The following KIAA1217 variants were observed in gnomAD, a reference collection of about 807,000 sequenced individuals.
KIAA1217 encodes the protein sickle tail protein homolog.
A neutral mutation model predicts 163.9 loss-of-function variants in KIAA1217; 88 were observed. That is an observed-to-expected ratio of 0.54 (90% confidence interval 0.45 to 0.64). The LOEUF (loss-of-function observed/expected upper bound fraction) is 0.64. KIAA1217 is among the 30% of genes least tolerant of loss of function. The pLI is 0.00. For missense variants in KIAA1217, 2,372 were observed against 2,475.0 expected (o/e 0.96, Z 0.88); for synonymous variants, 903 against 923.1 (o/e 0.98, Z 0.39).
At chr10:24,439,670 A>T (rs1373994151) in intron 5 of KIAA1217, among the ~76,000 whole-genome samples, 1 of 146,804 alleles carries the variant, frequency 6.8e-6, no homozygotes, top group Non-Finnish European at 1.5e-5. Context: ...TTTTTCCCCC[A>T]ACTTCTAGAG....
At chr10:24,545,738 A>G (rs2075671569) in intron 20 of KIAA1217, 89 bp from the exon 21 acceptor site, 3 of 1,520,866 alleles carry the variant, frequency 2.0e-6, no homozygotes, top group Non-Finnish European at 1.8e-6. Context: ...TGATTGAATT[A>G]TTCTCAGAAG....
At chr10:23,923,011 T>C (rs778576451) in intron 1 of KIAA1217, among the ~76,000 whole-genome samples, 4 of 152,178 alleles carry the variant, frequency 2.6e-5, no homozygotes, top group Non-Finnish European at 5.9e-5. Context: ...AGTTCTTTAG[T>C]GGTGAGTTCT....
At chr10:24,249,254 G>A (rs751850593) in intron 2 of KIAA1217, among the ~76,000 whole-genome samples, 1 of 152,094 alleles carries the variant, frequency 6.6e-6, no homozygotes, top group South Asian at 2.1e-4. Context: ...TAAAATAAAC[G>A]TCCCCTAATG....
intron 1 of KIAA1217, among the ~76,000 whole-genome samples, chr10:23,908,752 A>C (rs936288315): frequency 6.6e-6 from 1 of 152,102 alleles, no homozygotes; most frequent in African/African-American, 2.4e-5. Context: ...AAAATAATAG[A>C]TGTTGGCATG....
chr10:24,458,378 A>G (rs939234708), intron 5 of KIAA1217, among the ~76,000 whole-genome samples: 2 of 152,084 alleles, frequency 1.3e-5, no homozygotes, highest in Non-Finnish European at 2.9e-5. Flanking sequence ...TGCTCCCCAC[A>G]TTTGTAGATA....
intron 16 of KIAA1217, among the ~76,000 whole-genome samples, chr10:24,536,390 T>C (rs80337299): frequency 0.056 from 8,461 of 152,160 alleles, 388 homozygotes; most frequent in East Asian, 0.14. Flanking sequence ...ATAAAACTCA[T>C]AAAAAAAGAG....
chr10:24,396,648 T>C (rs1469413578), intron 3 of KIAA1217, among the ~76,000 whole-genome samples: 1 of 151,974 alleles, frequency 6.6e-6, no homozygotes, highest in African/African-American at 2.4e-5. Flanking sequence ...CATGCAGATA[T>C]CTGGGGGAAG....
chr10:23,954,570 A>C (rs199995807), intron 1 of KIAA1217, among the ~76,000 whole-genome samples: 1 of 151,840 alleles, frequency 6.6e-6, no homozygotes, highest in East Asian at 1.9e-4. Flanking sequence ...GTCTCAAAAA[A>C]ATGAAGGAAA....
intron 2 of KIAA1217, among the ~76,000 whole-genome samples, chr10:24,270,901 C>A (rs1590412497): frequency 6.6e-6 from 1 of 152,108 alleles, no homozygotes; most frequent in Non-Finnish European, 1.5e-5. Flanking sequence ...GTCCCCCCAC[C>A]TATATCATAC....
chr10:23,947,179 A>G lies in KIAA1217; in HGVS notation c.-320-60046A>G, dbSNP rs117887816. 7.4e-4 allele frequency among the ~76,000 whole-genome samples: 113 copies of G among 152,328 alleles called. 2 individuals carry two copies. The East Asian group carries it at 0.019, about 25-fold the overall frequency. On this transcript the variant is annotated intron_variant, in intron 1 of 18. Coordinates refer to the KIAA1217 transcript ENST00000376462. Reference sequence around the variant, plus strand: ...CTTTATAAATTACTGAGTCTCAGGTATGTCTTTATTAGGAGCATGAGAACA... The same window carrying G: ...CTTTATAAATTACTGAGTCTCAGGTGTGTCTTTATTAGGAGCATGAGAACA...
chr10:23,889,089 G>A (rs1841311591), intron 1 of KIAA1217, among the ~76,000 whole-genome samples: 1 of 151,900 alleles, frequency 6.6e-6, no homozygotes, highest in East Asian at 2.0e-4. Flanking sequence ...ATGAACATCT[G>A]GGTAGTTTGC....
intron 2 of KIAA1217, among the ~76,000 whole-genome samples, chr10:24,155,130 A>C (rs2064817001): frequency 6.6e-6 from 1 of 152,168 alleles, no homozygotes; most frequent in Non-Finnish European, 1.5e-5. Flanking sequence ...TACGATGATA[A>C]ATGTTACGGT....
intron 1 of KIAA1217, among the ~76,000 whole-genome samples, chr10:23,980,793 T>A (rs1021574350): frequency 6.6e-6 from 1 of 152,202 alleles, no homozygotes; most frequent in African/African-American, 2.4e-5. Flanking sequence ...CAGCTCAATC[T>A]GTTATCATCT....
At chr10:24,538,145 T>G (rs1052100816) in intron 17 of KIAA1217, among the ~76,000 whole-genome samples, 4 of 152,178 alleles carry the variant, frequency 2.6e-5, no homozygotes, top group Non-Finnish European at 5.9e-5. Context: ...AGGAGGTAGA[T>G]GTAGTATCAC....
chr10:24,373,044 C>G (rs186966486), intron 2 of KIAA1217, among the ~76,000 whole-genome samples: 7 of 152,306 alleles, frequency 4.6e-5, no homozygotes, highest in African/African-American at 1.7e-4. Context: ...AGGAGCTTGT[C>G]CAATCCAATA....
At chr10:24,379,566 G>C (rs746877411) in intron 2 of KIAA1217, among the ~76,000 whole-genome samples, 2 of 152,306 alleles carry the variant, frequency 1.3e-5, no homozygotes, top group East Asian at 3.9e-4. Context: ...GTAGGAAGGT[G>C]TGATTGTCTG....
chr10:23,754,722 G>T (rs1833833984), intron 1 of KIAA1217, among the ~76,000 whole-genome samples: 1 of 152,070 alleles, frequency 6.6e-6, no homozygotes, highest in African/African-American at 2.4e-5. Flanking sequence ...CTTGAATCCT[G>T]ACACTCAGCT....
intron 3 of KIAA1217, among the ~76,000 whole-genome samples, chr10:24,421,990 T>G: frequency 6.6e-6 from 1 of 152,210 alleles, no homozygotes; most frequent in South Asian, 2.1e-4. Context: ...GAAAAGAAGT[T>G]TAATGGACTC....
At chr10:23,737,149 A>G (rs1408099321) in intron 1 of KIAA1217, among the ~76,000 whole-genome samples, 1 of 152,170 alleles carries the variant, frequency 6.6e-6, no homozygotes, top group Non-Finnish European at 1.5e-5. Context: ...ATTTATTACC[A>G]GATTTTATGT....
Sources: allele counts gnomAD v4.1 joint callset (sites outside exome capture counted in the v4.1 genomes callset), GRCh38; gene constraint gnomAD v4.1.1; transcripts MANE v1.5; gene names NCBI Gene and HGNC (gene_info 2026-07-23, HGNC 2026-07-21).